ANKFN1: variants seen among roughly 807,000 people sequenced by gnomAD.
ANKFN1 encodes ankyrin repeat and fibronectin type-III domain-containing protein 1.
A neutral mutation model predicts 108.7 loss-of-function variants in ANKFN1; 74 were observed. The ratio of observed to expected loss-of-function variants is 0.68; its 90% CI spans 0.56 to 0.83. The LOEUF is 0.83. Among genes scored for constraint, ANKFN1 ranks in the 40% least tolerant of loss-of-function variants. The pLI, the probability that ANKFN1 is intolerant of heterozygous loss-of-function variation, is 0.00. For synonymous variants in ANKFN1, 547 were observed against 516.2 expected, an observed-to-expected ratio of 1.06 and a Z score of -0.81; for missense variants, 1,505 against 1,382.3, an observed-to-expected ratio of 1.09 and a Z score of -1.41.
At chr17:56,261,341 AG>A (rs2144122069) in intron 3 of ANKFN1, among the ~76,000 whole-genome samples, 1 of 152,356 alleles carries the variant, frequency 6.6e-6, no homozygotes, top group South Asian at 2.1e-4. Context: ...AATATGTGTT[AG>A]TTCCCCTTTG....
At chr17:56,198,671 C>G (rs56681628) in intron 1 of ANKFN1, among the ~76,000 whole-genome samples, 4,222 of 152,134 alleles carry the variant, frequency 0.028, 213 homozygotes, top group African/African-American at 0.097. Flanking sequence ...TAAAAATTAC[C>G]ATTTTTTCTC....
chr17:56,217,972 A>G (rs865963890), intron 2 of ANKFN1, among the ~76,000 whole-genome samples: 12 of 152,218 alleles, frequency 7.9e-5, no homozygotes, highest in Middle Eastern at 3.4e-3. Context: ...CGTGTCTAAA[A>G]CTACTTTGGC....
intron 4 of ANKFN1, among the ~76,000 whole-genome samples, chr17:56,091,868 T>C (rs1905427227): frequency 6.6e-6 from 1 of 151,462 alleles, no homozygotes; most frequent in African/African-American, 2.4e-5. Flanking sequence ...GTAATGTATA[T>C]GTAAACTTCA....
intron 8 of ANKFN1, among the ~76,000 whole-genome samples, chr17:56,433,155 A>T (rs1261783258): frequency 6.6e-6 from 1 of 152,176 alleles, no homozygotes; most frequent in African/African-American, 2.4e-5. Flanking sequence ...TAGATTCTTT[A>T]TCACCCATTG....
intron 1 of ANKFN1, among the ~76,000 whole-genome samples, chr17:56,205,435 A>C (rs1316554023): frequency 6.6e-6 from 1 of 152,240 alleles, no homozygotes; most frequent in East Asian, 1.9e-4. Context: ...TCTGTTTGCA[A>C]TTTTTATTGC....
At chr17:56,393,215 A>C (rs919353691) in intron 8 of ANKFN1, among the ~76,000 whole-genome samples, 1 of 152,264 alleles carries the variant, frequency 6.6e-6, no homozygotes, top group Non-Finnish European at 1.5e-5. Context: ...TGAGGAATCC[A>C]CCTAAAACTC....
chr17:56,382,617 T>C, intron 8 of ANKFN1, among the ~76,000 whole-genome samples: 1 of 151,846 alleles, frequency 6.6e-6, no homozygotes, highest in Non-Finnish European at 1.5e-5. Flanking sequence ...AGGCTCAAAA[T>C]AAAAGGATGG....
At chr17:56,106,575 G>A (rs1905756763) in intron 4 of ANKFN1, among the ~76,000 whole-genome samples, 1 of 152,136 alleles carries the variant, frequency 6.6e-6, no homozygotes, top group African/African-American at 2.4e-5. Flanking sequence ...TTAGCAGCTT[G>A]GATAGAGGGT....
chr17:56,190,481 A>G (rs2143689741), intron 1 of ANKFN1, among the ~76,000 whole-genome samples: 1 of 141,632 alleles, frequency 7.1e-6, no homozygotes, highest in African/African-American at 2.7e-5. Context: ...CCCAGTAGTC[A>G]TTCAGGAGCA....
intron 4 of ANKFN1, among the ~76,000 whole-genome samples, chr17:56,062,949 T>A (rs1874281244): frequency 6.6e-6 from 1 of 152,152 alleles, no homozygotes; most frequent in African/African-American, 2.4e-5. Flanking sequence ...AGCATTTGCT[T>A]GTCTGGAAAG....
intron 4 of ANKFN1, among the ~76,000 whole-genome samples, chr17:56,062,013 T>C (rs1904983491): frequency 6.6e-6 from 1 of 152,246 alleles, no homozygotes; most frequent in African/African-American, 2.4e-5. Flanking sequence ...AGGAGCATGT[T>C]ATTCAATTTC....
chr17:56,469,883 A>G (rs2050256572), intron 15 of ANKFN1, among the ~76,000 whole-genome samples: 1 of 151,758 alleles, frequency 6.6e-6, no homozygotes, highest in African/African-American at 2.4e-5. Context: ...CTATCAATCC[A>G]TCACCTAGAT....
intron 8 of ANKFN1, 22 bp downstream of exon 8, chr17:56,374,736 TTCA>T: frequency 1.3e-6 from 2 of 1,553,636 alleles, no homozygotes; most frequent in South Asian, 1.1e-5. Context: ...AAGACATGTT[TTCA>T]TCACTCCTTC....
At chr17:56,156,565 G>T (rs1013117334) in intron 1 of ANKFN1, 2 of 152,228 alleles carry the variant, frequency 1.3e-5, no homozygotes, top group African/African-American at 4.8e-5. Context: ...AACTGGAAAC[G>T]TAAGATGCAT....
At chr17:56,291,970 A>G (rs1358971158) in intron 3 of ANKFN1, among the ~76,000 whole-genome samples, 1 of 152,146 alleles carries the variant, frequency 6.6e-6, no homozygotes, top group Non-Finnish European at 1.5e-5. Flanking sequence ...ACAAATTTTT[A>G]TTATCTTTAG....
At chr17:56,170,430 C>T (rs896485328) in intron 1 of ANKFN1, among the ~76,000 whole-genome samples, 1 of 151,982 alleles carries the variant, frequency 6.6e-6, no homozygotes. Flanking sequence ...CAGGAAGTAT[C>T]GGGATGTGTT....
intron 19 of ANKFN1, among the ~76,000 whole-genome samples, chr17:56,497,929 T>C (rs2051251681): frequency 6.6e-6 from 1 of 152,004 alleles, no homozygotes; most frequent in Non-Finnish European, 1.5e-5. Flanking sequence ...CTCCTTGAGA[T>C]GGAATAACAA....
intron 4 of ANKFN1, among the ~76,000 whole-genome samples, chr17:56,328,786 A>AG (rs950797172): frequency 0.033 from 4,342 of 131,312 alleles, 198 homozygotes; most frequent in African/African-American, 0.11. Flanking sequence ...TAAAAAAAAA[A>AG]GGGGGGGCAG....
At chr17:56,194,801 G>C (rs1913349479) in intron 1 of ANKFN1, among the ~76,000 whole-genome samples, 2 of 152,168 alleles carry the variant, frequency 1.3e-5, no homozygotes, top group Admixed American at 1.3e-4. Flanking sequence ...CTCTGGTGAG[G>C]GGGGCTAGGC....
Sources: gnomAD v4.1 joint callset for allele counts (sites outside exome capture counted in the v4.1 genomes callset) on GRCh38, gnomAD v4.1.1 for gene constraint, MANE v1.5 for transcripts, NCBI Gene and HGNC (gene_info 2026-07-23, HGNC 2026-07-21) for gene names.